ADGRL4: variants seen among roughly 807,000 people sequenced by gnomAD.
ADGRL4 encodes EGF, latrophilin and seven transmembrane domain containing 1.
Under a neutral mutation model 74.8 loss-of-function variants are expected in ADGRL4, and 90 were observed. The observed-to-expected ratio is 1.20, with a 90% CI of 1.02 to 1.43. ADGRL4 has a LOEUF of 1.43. Ranked by LOEUF, ADGRL4 falls within the 40% of genes most tolerant of loss-of-function variation. ADGRL4 has a pLI of 0.00. For missense variants in ADGRL4, 881 were observed against 814.3 expected, an observed-to-expected ratio of 1.08 and a Z score of -1.00; for synonymous variants, 311 against 279.2, an observed-to-expected ratio of 1.11 and a Z score of -1.14.
intron 12 of ADGRL4, among the ~76,000 whole-genome samples, chr1:78,897,778 T>C (rs374265043): frequency 6.6e-6 from 1 of 152,278 alleles, no homozygotes; most frequent in East Asian, 1.9e-4. Flanking sequence ...AAAGTTGGGG[T>C]AAATAAAGAA....
rs190564297 is a variant in ADGRL4 at position 78,939,607 on chromosome 1, A to G, written c.326-349T>C. On this transcript the variant is annotated intron_variant, in intron 3 of 14. Transcript: ENST00000370742. The stretch of plus-strand genomic sequence containing the variant: ...CACAACTGTGTACTACATATTTTAT[A>G]TAGTTCTTTGATCATACATAAAATT... 46 of 154,814 alleles carry G rather than the reference A, an allele frequency of 3.0e-4. 1 individual carries two copies. The highest frequency in any genetic ancestry group is 5.0e-4 in the Non-Finnish European group (35 of 69,702). The allele number at this position is 154,814 out of a possible 1,614,324, so 9.6% of individuals were successfully genotyped here. A position where few individuals can be genotyped will look rare whatever the true frequency, so the allele number is the denominator to read the frequency against.
chr1:78,992,632 T>C (rs1650629846), intron 2 of ADGRL4, among the ~76,000 whole-genome samples: 1 of 152,118 alleles, frequency 6.6e-6, no homozygotes, highest in Admixed American at 6.5e-5. Flanking sequence ...TTAAGGTTGG[T>C]GCTTTTCATC....
intron 8 of ADGRL4, among the ~76,000 whole-genome samples, chr1:78,923,427 G>T (rs921145628): frequency 3.3e-5 from 5 of 151,986 alleles, no homozygotes; most frequent in Non-Finnish European, 5.9e-5. Flanking sequence ...CAATGCCATG[G>T]CCAGGAGCCT....
intron 3 of ADGRL4, among the ~76,000 whole-genome samples, chr1:78,940,479 T>C (rs1012214734): frequency 1.3e-5 from 2 of 152,134 alleles, no homozygotes; most frequent in African/African-American, 4.8e-5. Context: ...GTATATATTC[T>C]TAATTTAAAA....
intron 7 of ADGRL4, among the ~76,000 whole-genome samples, chr1:78,929,743 C>A (rs1649199848): frequency 6.6e-6 from 1 of 151,434 alleles, no homozygotes; most frequent in African/African-American, 2.5e-5. Flanking sequence ...CCTTTACTGA[C>A]AGCTAATATT....
rs1186448667 is a variant in ADGRL4 at position 78,890,846 on chromosome 1, G to A, written c.*308C>T. On this transcript the variant is annotated 3_prime_UTR_variant, in exon 15 of 15. Coordinates refer to ENST00000370742, the MANE Select transcript of ADGRL4 (RefSeq NM_022159.4). Reference sequence around the variant, plus strand: ...CCTTCAGGACATTCATATACTTCTCGTGTTAGAAAGAAAATCTTTCCTTGG... The same window carrying A: ...CCTTCAGGACATTCATATACTTCTCATGTTAGAAAGAAAATCTTTCCTTGG... The A allele has an allele frequency of 9.7e-6, 3 of 309,620 alleles. No homozygotes were observed. The highest frequency in any genetic ancestry group is 4.7e-5 in the Admixed American group (1 of 21,190). 19.2% of individuals were successfully genotyped at this position (309,620 alleles called of 1,614,324 possible). A position where few individuals can be genotyped will look rare whatever the true frequency, so the allele number is the denominator to read the frequency against.
intron 12 of ADGRL4, among the ~76,000 whole-genome samples, chr1:78,912,472 A>T (rs1271666925): frequency 6.6e-6 from 1 of 151,846 alleles, no homozygotes. Flanking sequence ...AGCTTCTCAT[A>T]GGAGGGCAAA....
At chr1:78,977,088 G>T (rs1650301099) in intron 2 of ADGRL4, among the ~76,000 whole-genome samples, 1 of 151,086 alleles carries the variant, frequency 6.6e-6, no homozygotes, top group Admixed American at 6.6e-5. Context: ...TTATCTCAAG[G>T]GTGTTAGCAT....
intron 2 of ADGRL4, among the ~76,000 whole-genome samples, chr1:78,948,665 C>A (rs1411787143): frequency 6.6e-6 from 1 of 152,060 alleles, no homozygotes; most frequent in Non-Finnish European, 1.5e-5. Flanking sequence ...TGATGCAACT[C>A]TATATGGCTA....
At chr1:78,918,749 T>C (rs987220035) in intron 10 of ADGRL4, among the ~76,000 whole-genome samples, 1 of 151,926 alleles carries the variant, frequency 6.6e-6, no homozygotes, top group African/African-American at 2.4e-5. Flanking sequence ...TACATACTTA[T>C]GTACCTATCC....
intron 12 of ADGRL4, among the ~76,000 whole-genome samples, chr1:78,911,189 A>C (rs924577174): frequency 6.6e-6 from 1 of 151,838 alleles, no homozygotes; most frequent in Non-Finnish European, 1.5e-5. Flanking sequence ...TTACTCTAGA[A>C]GTCCTTACTC....
intron 2 of ADGRL4, among the ~76,000 whole-genome samples, chr1:78,952,879 G>A (rs1442962072): frequency 2.6e-5 from 4 of 152,020 alleles, no homozygotes; most frequent in Non-Finnish European, 5.9e-5. Flanking sequence ...TTGACTATGA[G>A]TCAGACTTTG....
intron 2 of ADGRL4, among the ~76,000 whole-genome samples, chr1:78,978,799 T>C (rs747920748): frequency 3.6e-4 from 54 of 151,996 alleles, no homozygotes; most frequent in Admixed American, 6.6e-4. Flanking sequence ...TTTTCAAAGT[T>C]TACAGAGGTG....
At chr1:78,969,712 T>G (rs1333005657) in intron 2 of ADGRL4, among the ~76,000 whole-genome samples, 2 of 151,878 alleles carry the variant, frequency 1.3e-5, no homozygotes, top group African/African-American at 4.8e-5. Context: ...TGTGGGTTTT[T>G]TTTTTTTTTT....
intron 7 of ADGRL4, among the ~76,000 whole-genome samples, chr1:78,933,042 A>G (rs1370394596): frequency 6.6e-6 from 1 of 151,454 alleles, no homozygotes; most frequent in Admixed American, 6.6e-5. Context: ...TATTCCAAAA[A>G]ATTGAGGAGG....
At chr1:78,936,558 G>C in intron 6 of ADGRL4, 147 bp from the exon 7 acceptor site, 1 of 761,050 alleles carries the variant, frequency 1.3e-6, no homozygotes, top group East Asian at 3.6e-5. Context: ...AATGTGTTTG[G>C]ACAATGTAAT....
At chr1:78,924,736 T>C (rs1265134208) in intron 8 of ADGRL4, among the ~76,000 whole-genome samples, 1 of 152,076 alleles carries the variant, frequency 6.6e-6, no homozygotes, top group Non-Finnish European at 1.5e-5. Flanking sequence ...AGGGAAATGA[T>C]TGAGCTCCAT....
intron 7 of ADGRL4, among the ~76,000 whole-genome samples, chr1:78,935,455 C>T (rs1461929146): frequency 1.3e-5 from 2 of 151,514 alleles, no homozygotes; most frequent in Non-Finnish European, 2.9e-5. Context: ...ATAGCTGAGG[C>T]AAACCACCAT....
chr1:78,938,014 T>C, intron 5 of ADGRL4, 24 bp from the exon 6 acceptor site: 1 of 1,607,870 alleles, frequency 6.2e-7, no homozygotes, highest in South Asian at 1.1e-5. Context: ...GTATGTCTTT[T>C]AGAAATGTTG....
Sources: gnomAD v4.1 joint callset for allele counts (sites outside exome capture counted in the v4.1 genomes callset) on GRCh38, gnomAD v4.1.1 for gene constraint, MANE v1.5 for transcripts, NCBI Gene and HGNC (gene_info 2026-07-23, HGNC 2026-07-21) for gene names.